The following TRPC7 variants were observed in gnomAD, a reference collection of about 807,000 sequenced individuals.
TRPC7 encodes the protein short transient receptor potential channel 7.
TRPC7 carries 42 observed loss-of-function variants against 90.1 expected under a neutral mutation model. The ratio of observed to expected loss-of-function variants is 0.47; its 90% CI spans 0.36 to 0.60. TRPC7 has a LOEUF of 0.60. Ranked by LOEUF, TRPC7 falls within the 20% of genes least tolerant of loss-of-function variation. The pLI is 0.00. For synonymous variants in TRPC7, 451 were observed against 436.3 expected (o/e 1.03, Z -0.42); for missense variants, 955 against 1,112.3 (o/e 0.86, Z 2.01).
At chr5:136,358,068 G>A (rs1397331369) in intron 1 of TRPC7, among the ~76,000 whole-genome samples, 1 of 152,160 alleles carries the variant, frequency 6.6e-6, no homozygotes, top group Non-Finnish European at 1.5e-5. Flanking sequence ...ATTCTGTGCT[G>A]TTCTTTATGG....
At chr5:136,342,433 A>G (rs903504398) in intron 2 of TRPC7, among the ~76,000 whole-genome samples, 2 of 152,038 alleles carry the variant, frequency 1.3e-5, no homozygotes, top group Non-Finnish European at 2.9e-5. Flanking sequence ...ATCTTCACTG[A>G]CCCCTGAGAG....
chr5:136,351,528 T>A (rs1023138234), intron 2 of TRPC7, among the ~76,000 whole-genome samples: 2 of 152,196 alleles, frequency 1.3e-5, no homozygotes, highest in African/African-American at 4.8e-5. Context: ...GCTGGGGCAA[T>A]AGGCTTATTC....
intron 11 of TRPC7, among the ~76,000 whole-genome samples, chr5:136,214,762 A>T (rs1272982563): frequency 6.6e-6 from 1 of 152,186 alleles, no homozygotes; most frequent in Non-Finnish European, 1.5e-5. Context: ...CCCAGGATGA[A>T]GCAGAGGGTC....
intron 3 of TRPC7, among the ~76,000 whole-genome samples, chr5:136,278,068 A>T (rs1444438498): frequency 6.6e-6 from 1 of 152,174 alleles, no homozygotes; most frequent in African/African-American, 2.4e-5. Flanking sequence ...TGAGGGAGGG[A>T]CTGGAGAGGA....
intron 3 of TRPC7, among the ~76,000 whole-genome samples, chr5:136,295,804 G>A (rs1382388089): frequency 6.6e-6 from 1 of 152,250 alleles, no homozygotes; most frequent in South Asian, 2.1e-4. Flanking sequence ...GTCCTAAATT[G>A]CAAAGCCTTA....
At chr5:136,304,660 G>A (rs891657953) in intron 3 of TRPC7, among the ~76,000 whole-genome samples, 3 of 152,034 alleles carry the variant, frequency 2.0e-5, no homozygotes, top group African/African-American at 7.3e-5. Context: ...CAAATTACCT[G>A]GGCTATACTG....
intron 7 of TRPC7, among the ~76,000 whole-genome samples, chr5:136,241,231 A>G (rs529823556): frequency 1.8e-4 from 27 of 152,210 alleles, no homozygotes; most frequent in Non-Finnish European, 2.8e-4. Context: ...ATTCCTGGGG[A>G]GACAGAACAA....
At chr5:136,322,275 A>G (rs1371507272) in intron 2 of TRPC7, among the ~76,000 whole-genome samples, 10 of 152,166 alleles carry the variant, frequency 6.6e-5, no homozygotes, top group Admixed American at 6.5e-4. Context: ...CAGCCTCCCA[A>G]AGTGCTGGGA....
At chr5:136,318,020 A>G (rs1030456546) in intron 2 of TRPC7, among the ~76,000 whole-genome samples, 12 of 152,328 alleles carry the variant, frequency 7.9e-5, no homozygotes, top group East Asian at 1.9e-4. Context: ...TTCCTTCTGC[A>G]TTAGACACTT....
chr5:136,292,488 A>C (rs1364061719), intron 3 of TRPC7, among the ~76,000 whole-genome samples: 1 of 152,226 alleles, frequency 6.6e-6, no homozygotes, highest in Non-Finnish European at 1.5e-5. Context: ...CAGAAATACA[A>C]ACTACCATCA....
chr5:136,343,469 C>T (rs943696519), intron 2 of TRPC7, among the ~76,000 whole-genome samples: 2 of 152,116 alleles, frequency 1.3e-5, no homozygotes, highest in African/African-American at 4.8e-5. Context: ...CTTCCCTATT[C>T]CTTGGGGGAA....
chr5:136,220,563 G>C (rs144080283), intron 10 of TRPC7, among the ~76,000 whole-genome samples: 1 of 152,136 alleles, frequency 6.6e-6, no homozygotes, highest in African/African-American at 2.4e-5. Flanking sequence ...TTTTGCTCTC[G>C]AACCCTGTTT....
chr5:136,231,707 C>A (rs982721354), intron 7 of TRPC7, among the ~76,000 whole-genome samples, 158 bp from the exon 8 acceptor site: 1 of 152,158 alleles, frequency 6.6e-6, no homozygotes, highest in African/African-American at 2.4e-5. Flanking sequence ...TGGACTCAAG[C>A]AATTCTCCTG....
At chr5:136,325,462 T>A (rs1759317717) in intron 2 of TRPC7, among the ~76,000 whole-genome samples, 1 of 152,116 alleles carries the variant, frequency 6.6e-6, no homozygotes, top group Non-Finnish European at 1.5e-5. Flanking sequence ...CCTTCCTCCC[T>A]CCTCCTTATA....
At chr5:136,253,126 A>T (rs1329765360) in intron 5 of TRPC7, among the ~76,000 whole-genome samples, 1 of 152,226 alleles carries the variant, frequency 6.6e-6, no homozygotes, top group African/African-American at 2.4e-5. Flanking sequence ...CATCAGTTAC[A>T]TGTTGCAGTG....
At chr5:136,315,913 G>T (rs1323318389) in intron 2 of TRPC7, 134 bp from the exon 3 acceptor site, 4 of 846,178 alleles carry the variant, frequency 4.7e-6, no homozygotes, top group South Asian at 1.8e-5. Flanking sequence ...CTTATGGAAC[G>T]CAGCAGGATG....
At chr5:136,278,193 T>G (rs1290357855) in intron 3 of TRPC7, among the ~76,000 whole-genome samples, 5 of 152,242 alleles carry the variant, frequency 3.3e-5, no homozygotes, top group Non-Finnish European at 5.9e-5. Flanking sequence ...CAAGTAATTC[T>G]TAGTCACTCC....
chr5:136,365,399 G>T lies in TRPC7; in HGVS notation c.-145C>A. On this transcript the variant is annotated 5_prime_UTR_variant, in exon 1 of 12. Coordinates refer to ENST00000513104, the MANE Select transcript of TRPC7 (RefSeq NM_020389.3). The stretch of plus-strand genomic sequence containing the variant: ...GTATAGAGCTGGTCAAGTGAGTTAA[G>T]TTGCAACGATGTGAAAGCGCGCTCC... 1.2e-6 allele frequency: 1 copy of T among 839,370 alleles called. No homozygotes were observed. The highest frequency in any genetic ancestry group is 1.9e-6 in the Non-Finnish European group (1 of 527,632). The allele number at this position is 839,370 out of a possible 1,614,324, so 52.0% of individuals were successfully genotyped here.
intron 4 of TRPC7, among the ~76,000 whole-genome samples, chr5:136,267,449 T>C (rs1034781459): frequency 1.3e-5 from 2 of 152,212 alleles, no homozygotes; most frequent in Admixed American, 6.5e-5. Flanking sequence ...TATTCAATTA[T>C]AACCAGTGAC....
Sources: allele counts gnomAD v4.1 joint callset (sites outside exome capture counted in the v4.1 genomes callset), GRCh38; gene constraint gnomAD v4.1.1; transcripts MANE v1.5; gene names NCBI Gene and HGNC (gene_info 2026-07-23, HGNC 2026-07-21).